LMX1B: variants seen among roughly 807,000 people sequenced by gnomAD.
LMX1B encodes LIM homeobox transcription factor 1 beta.
LMX1B carries 12 observed loss-of-function variants against 51.4 expected under a neutral mutation model. The observed-to-expected ratio is 0.23, with a 90% CI of 0.15 to 0.38. The LOEUF (loss-of-function observed/expected upper bound fraction) is 0.38, where lower values mean the gene tolerates loss of function less well. Among genes scored for constraint, LMX1B ranks in the 10% least tolerant of loss-of-function variants. LMX1B has a pLI of 1.00. For synonymous variants in LMX1B, 237 were observed against 235.4 expected, an observed-to-expected ratio of 1.01 and a Z score of -0.06; for missense variants, 445 against 571.1, an observed-to-expected ratio of 0.78 and a Z score of 2.25.
intron 2 of LMX1B, among the ~76,000 whole-genome samples, chr9:126,687,226 T>A (rs1332469612): frequency 2.0e-5 from 3 of 151,620 alleles, no homozygotes; most frequent in Non-Finnish European, 2.9e-5. Flanking sequence ...CCTTTTTTTT[T>A]TTATTTTTTA....
chr9:126,670,559 C>A (rs1032709443), intron 2 of LMX1B, among the ~76,000 whole-genome samples: 2 of 152,160 alleles, frequency 1.3e-5, no homozygotes, highest in African/African-American at 4.8e-5. Context: ...TAGGTTGACA[C>A]GCTTGAGTAC....
intron 2 of LMX1B, among the ~76,000 whole-genome samples, chr9:126,619,201 T>G (rs972155240): frequency 1.3e-5 from 2 of 152,226 alleles, no homozygotes; most frequent in Admixed American, 6.5e-5. Flanking sequence ...GTGGCTCCAG[T>G]GGCCCAACCG....
intron 2 of LMX1B, among the ~76,000 whole-genome samples, chr9:126,689,992 G>A (rs2030063539): frequency 6.6e-6 from 1 of 152,192 alleles, no homozygotes; most frequent in Non-Finnish European, 1.5e-5. Flanking sequence ...TGATGGAGAT[G>A]CGTAAGCTGA....
intron 2 of LMX1B, among the ~76,000 whole-genome samples, chr9:126,672,526 C>T (rs956975606): frequency 3.9e-5 from 6 of 152,126 alleles, no homozygotes; most frequent in African/African-American, 1.2e-4. Context: ...GAATGCTTTA[C>T]GCCCTGGGTC....
chr9:126,634,676 C>G (rs138461972), intron 2 of LMX1B, among the ~76,000 whole-genome samples: 18 of 152,270 alleles, frequency 1.2e-4, no homozygotes, highest in African/African-American at 4.3e-4. Context: ...AGTTAGTCAT[C>G]TATAAAATGG....
chr9:126,624,474 G>A (rs779053198), intron 2 of LMX1B, among the ~76,000 whole-genome samples: 2 of 152,192 alleles, frequency 1.3e-5, no homozygotes, highest in Non-Finnish European at 2.9e-5. Flanking sequence ...TGAGAGAACA[G>A]AAAATTAGGG....
At chr9:126,683,819 G>A (rs1233610493) in intron 2 of LMX1B, among the ~76,000 whole-genome samples, 1 of 152,224 alleles carries the variant, frequency 6.6e-6, no homozygotes. Flanking sequence ...CTTGTCCCAA[G>A]TCAGGCAGCT....
At position 126,690,891 on chromosome 9, in the gene LMX1B, G is replaced by A; in HGVS notation, c.382G>A (p.Val128Met). Residue 128 changes from valine (V) to methionine (M), a missense_variant, in exon 3 of 8, where the codon GTG becomes ATG. Transcript: ENST00000373474. ...GGAGAAGATCGCCCCCACCGAGTTCGTGATGCGGGCGCTGGAGTGCGTGTA... is the reference window on the plus strand; with the variant it reads ...GGAGAAGATCGCCCCCACCGAGTTCATGATGCGGGCGCTGGAGTGCGTGTA... ...CMEKIAPTEF[V>M]MRALECVYHL... 2 of 1,613,844 alleles carry A rather than the reference G, an allele frequency of 1.2e-6. No individual in the cohort carries two copies. Among genetic ancestry groups the A allele is most frequent in the Non-Finnish European group, 1.7e-6 (2 of 1,179,944 alleles).
At chr9:126,685,267 A>G (rs1836749221) in intron 2 of LMX1B, among the ~76,000 whole-genome samples, 1 of 152,170 alleles carries the variant, frequency 6.6e-6, no homozygotes, top group Admixed American at 6.5e-5. Context: ...CTAAGGAGGC[A>G]AGAAGGGACT....
intron 2 of LMX1B, among the ~76,000 whole-genome samples, chr9:126,630,706 C>G (rs1384203677): frequency 6.6e-6 from 1 of 152,184 alleles, no homozygotes; most frequent in African/African-American, 2.4e-5. Flanking sequence ...CTTCTGAGTA[C>G]TTTGCAAATA....
chr9:126,634,602 A>G (rs376137277), intron 2 of LMX1B, among the ~76,000 whole-genome samples: 3 of 150,092 alleles, frequency 2.0e-5, no homozygotes, highest in Non-Finnish European at 4.4e-5. Context: ...GGTTCTGCAC[A>G]CCCCCCCCAC....
chr9:126,666,068 C>T (rs1006617790), intron 2 of LMX1B, among the ~76,000 whole-genome samples: 1 of 152,274 alleles, frequency 6.6e-6, no homozygotes, highest in African/African-American at 2.4e-5. Context: ...CAGTAACCCT[C>T]AGAACAACCT....
In LMX1B at chr9:126,671,642, A is replaced by G. The variant is rs1231978301; in HGVS notation, c.327-19194A>G. On this transcript the variant is annotated intron_variant, in intron 2 of 7. Transcript: ENST00000373474. This position sits in a 1 kb window ranked among gnomAD's most constrained non-coding sequence, Gnocchi z 4.4. ...TCTCTAATCCTGTATCTTTTGAAAGATAGGCGCACCCCGGGATGAGAGGTC... is the reference window on the plus strand; with the variant it reads ...TCTCTAATCCTGTATCTTTTGAAAGGTAGGCGCACCCCGGGATGAGAGGTC... Among the ~76,000 whole-genome samples, 1 of 152,230 alleles carries G rather than the reference A, an allele frequency of 6.6e-6. No individual in the cohort carries two copies. The highest frequency in any genetic ancestry group is 1.5e-5 in the Non-Finnish European group (1 of 68,042).
At chr9:126,689,358 G>A (rs1054509402) in intron 2 of LMX1B, among the ~76,000 whole-genome samples, 2 of 152,228 alleles carry the variant, frequency 1.3e-5, no homozygotes, top group Non-Finnish European at 2.9e-5. Flanking sequence ...GGCCATTTCT[G>A]TTCCAGAACC....
Position 126,684,862 on chromosome 9 carries a change from C to T in LMX1B, c.327-5974C>T, listed in dbSNP as rs1836743553. ...CTGATACAAATTCAACAAACCGGAC[C>T]CAAGTTGTGTTGTTGTGAAGGGGCT... On this transcript the variant is annotated intron_variant, in intron 2 of 7. Coordinates refer to ENST00000373474, the MANE Select transcript of LMX1B (RefSeq NM_001174147.2). Among the ~76,000 whole-genome samples the T allele has an allele frequency of 2.0e-5, 3 of 152,060 alleles. 1 individual carries two copies. Among genetic ancestry groups the T allele is most frequent in the Admixed American group, 6.6e-5 (1 of 15,264 alleles).
chr9:126,615,973 T>C lies in LMX1B; in HGVS notation c.326+404T>C, dbSNP rs1331314021. On this transcript the variant is annotated intron_variant, in intron 2 of 7. Coordinates refer to ENST00000373474, the MANE Select transcript of LMX1B (RefSeq NM_001174147.2). This position sits in a 1 kb window ranked among gnomAD's most constrained non-coding sequence, Gnocchi z 6.0. ...TTCAAGGGCCTGGTGTGTGGGGGTT[T>C]GGGATTCCTGGAGCCTGGAGCCAGG... Among the ~76,000 whole-genome samples the C allele has an allele frequency of 6.6e-6, 1 of 152,224 alleles. No individual in the cohort carries two copies. The highest frequency in any genetic ancestry group is 1.9e-4 in the East Asian group (1 of 5,174).
chr9:126,658,286 A>G lies in LMX1B; in HGVS notation c.327-32550A>G, dbSNP rs1226689287. On this transcript the variant is annotated intron_variant, in intron 2 of 7. Coordinates refer to ENST00000373474, the MANE Select transcript of LMX1B (RefSeq NM_001174147.2). This position sits in a 1 kb window ranked among gnomAD's most constrained non-coding sequence, Gnocchi z 4.0. ...TTTGGAGAAAGGGAGTCAAGCCTCT[A>G]AAATGAGGGAGGGACTTACTAGCTC... Among the ~76,000 whole-genome samples the G allele has an allele frequency of 6.6e-6, 1 of 152,076 alleles. No homozygotes were observed. Among genetic ancestry groups the G allele is most frequent in the Non-Finnish European group, 1.5e-5 (1 of 68,002 alleles).
chr9:126,697,450 C>G lies in LMX1B; in HGVS notation c.*999C>G, dbSNP rs919370292. The G allele has an allele frequency of 2.0e-5, 3 of 152,698 alleles. No individual in the cohort carries two copies. The highest frequency in any genetic ancestry group is 7.2e-5 in the African/African-American group (3 of 41,466). The allele number at this position is 152,698 out of a possible 1,614,324, so 9.5% of individuals were successfully genotyped here. ...AATGTGGTCCTCTCCCCAGCCACCT[C>G]TGCCTCCCCTCACATACCTCCAGTG... On this transcript the variant is annotated 3_prime_UTR_variant, in exon 8 of 8. Coordinates refer to ENST00000373474, the MANE Select transcript of LMX1B (RefSeq NM_001174147.2).
chr9:126,665,693 C>T (rs1836329209), intron 2 of LMX1B, among the ~76,000 whole-genome samples: 1 of 152,212 alleles, frequency 6.6e-6, no homozygotes, highest in African/African-American at 2.4e-5. Context: ...GCCTTCCACC[C>T]GCTTCACCAG....
Sources: allele counts gnomAD v4.1 joint callset (sites outside exome capture counted in the v4.1 genomes callset), GRCh38; gene constraint gnomAD v4.1.1; non-coding constraint Gnocchi (gnomAD v3.1); transcripts MANE v1.5; gene names NCBI Gene and HGNC (gene_info 2026-07-23, HGNC 2026-07-21).